The following TENM3 variants were observed in gnomAD, a reference collection of about 807,000 sequenced individuals.
TENM3 encodes the protein teneurin transmembrane protein 3, also known as teneurin-3.
Under a neutral mutation model 255.1 loss-of-function variants are expected in TENM3, and 63 were observed. The observed-to-expected ratio is 0.25, with a 90% CI of 0.20 to 0.30. TENM3 has a LOEUF of 0.30. Among genes scored for constraint, TENM3 ranks in the 10% least tolerant of loss-of-function variants. The pLI is 1.00. For missense variants in TENM3, 2,929 were observed against 3,461.1 expected (o/e 0.85, Z 3.86); for synonymous variants, 1,306 against 1,322.3 (o/e 0.99, Z 0.27).
chr4:181,766,399 G>C, the TENM3 span, among the ~76,000 whole-genome samples: 1 of 151,290 alleles, frequency 6.6e-6, no homozygotes, highest in Non-Finnish European at 1.5e-5. Context: ...AAGTAACTCC[G>C]TTGGAAACAC....
intron 3 of TENM3, among the ~76,000 whole-genome samples, chr4:182,424,311 T>C (rs556844771): frequency 6.6e-6 from 1 of 152,304 alleles, no homozygotes; most frequent in African/African-American, 2.4e-5. Context: ...AATTTGAGCA[T>C]TAAAGTACCT....
At chr4:181,854,120 C>A in the TENM3 span, among the ~76,000 whole-genome samples, 1 of 152,160 alleles carries the variant, frequency 6.6e-6, no homozygotes, top group East Asian at 1.9e-4. Context: ...AATATCATTA[C>A]CTTGATAAAT....
chr4:181,706,660 C>T, the TENM3 span, among the ~76,000 whole-genome samples: 1 of 152,004 alleles, frequency 6.6e-6, no homozygotes, highest in Admixed American at 6.6e-5. Flanking sequence ...AAAAAACAAA[C>T]AGGCGAAGGA....
intron 1 of TENM3, among the ~76,000 whole-genome samples, chr4:182,187,222 TC>T (rs1301496342): frequency 6.6e-6 from 1 of 152,106 alleles, no homozygotes. Context: ...AGAACAGAAA[TC>T]TTTTGAAGAA....
chr4:181,781,678 G>C, the TENM3 span, among the ~76,000 whole-genome samples: 5 of 152,096 alleles, frequency 3.3e-5, no homozygotes, highest in Admixed American at 1.3e-4. Context: ...GGTGAGAGAG[G>C]GCATCCCTGT....
At chr4:182,660,694 G>A (rs1342107121) in intron 6 of TENM3, among the ~76,000 whole-genome samples, 1 of 152,154 alleles carries the variant, frequency 6.6e-6, no homozygotes, top group Non-Finnish European at 1.5e-5. Flanking sequence ...TGAATTTTAT[G>A]AAAGAAATAT....
the TENM3 span, among the ~76,000 whole-genome samples, chr4:182,097,466 G>A: frequency 3.7e-4 from 56 of 152,256 alleles, 1 homozygote; most frequent in African/African-American, 1.3e-3. Context: ...GACCCCTTCT[G>A]AGAGAGTAGA....
chr4:181,605,479 AG>A, the TENM3 span, among the ~76,000 whole-genome samples: 3 of 114,960 alleles, frequency 2.6e-5, no homozygotes, highest in African/African-American at 6.6e-5. Flanking sequence ...AGAGAGAAAC[AG>A]AGAAAGAAAG....
chr4:181,843,448 A>G, the TENM3 span, among the ~76,000 whole-genome samples: 1 of 152,166 alleles, frequency 6.6e-6, no homozygotes, highest in Non-Finnish European at 1.5e-5. Flanking sequence ...TGAATCTTAA[A>G]TCTTGTGAGG....
Position 182,771,498 on chromosome 4 carries a change from T to TGG in TENM3, c.4893-1964_4893-1963dup, listed in dbSNP as rs35700441. Among the ~76,000 whole-genome samples the TGG allele has an allele frequency of 2.9e-3, 413 of 140,084 alleles. 5 individuals are homozygous for TGG. Among genetic ancestry groups the TGG allele is most frequent in the Admixed American group, 4.8e-3 (65 of 13,638 alleles). 91.9% of individuals were successfully genotyped at this position (140,084 alleles called of 152,430 possible). A position where few individuals can be genotyped will look rare whatever the true frequency, so the allele number is the denominator to read the frequency against. On this transcript the variant is annotated intron_variant, in intron 22 of 27. Transcript: ENST00000511685. ...GTATTTTCATTTTCCGTCTCTGAAA[T>TGG]GGGGGGGGGGGAAATAGTACAATAC...
At chr4:181,897,091 A>T in the TENM3 span, among the ~76,000 whole-genome samples, 1 of 152,134 alleles carries the variant, frequency 6.6e-6, no homozygotes, top group South Asian at 2.1e-4. Flanking sequence ...CTCCATAGGG[A>T]TTCACCCTAG....
chr4:181,450,333 A>G, the TENM3 span, among the ~76,000 whole-genome samples: 1 of 152,310 alleles, frequency 6.6e-6, no homozygotes, highest in African/African-American at 2.4e-5. Flanking sequence ...TTACTGGGGT[A>G]AGTAATAAGG....
At chr4:182,051,268 G>A in the TENM3 span, among the ~76,000 whole-genome samples, 9 of 151,734 alleles carry the variant, frequency 5.9e-5, no homozygotes, top group African/African-American at 1.7e-4. Context: ...GCTTGAAACT[G>A]GGAGGTGGAG....
intron 22 of TENM3, among the ~76,000 whole-genome samples, chr4:182,757,216 G>A (rs964563812): frequency 6.7e-6 from 1 of 149,740 alleles, no homozygotes; most frequent in Non-Finnish European, 1.5e-5. Context: ...GGAGGCTGAG[G>A]CAGAAGAATG....
the TENM3 span, among the ~76,000 whole-genome samples, chr4:182,048,643 CTT>C: frequency 6.6e-6 from 1 of 152,142 alleles, no homozygotes; most frequent in Non-Finnish European, 1.5e-5. Context: ...ATAAAGGAAA[CTT>C]TTTTCTTTTT....
intron 1 of TENM3, among the ~76,000 whole-genome samples, chr4:182,159,099 G>A (rs1328632994): frequency 1.3e-5 from 2 of 152,214 alleles, no homozygotes; most frequent in East Asian, 3.9e-4. Context: ...CATGGGGTTT[G>A]TAACGATGGC....
chr4:182,624,308 A>G (rs779339652), intron 4 of TENM3, among the ~76,000 whole-genome samples: 12 of 152,278 alleles, frequency 7.9e-5, no homozygotes, highest in Non-Finnish European at 1.6e-4. Context: ...GAGGGTTTTC[A>G]TGGGACCAAA....
intron 1 of TENM3, among the ~76,000 whole-genome samples, chr4:182,269,400 G>A (rs1170941549): frequency 6.6e-6 from 1 of 152,160 alleles, no homozygotes; most frequent in African/African-American, 2.4e-5. Flanking sequence ...TGAGAGTACT[G>A]GACAGTTGGC....
chr4:181,644,205 C>G, the TENM3 span, among the ~76,000 whole-genome samples: 1 of 151,914 alleles, frequency 6.6e-6, no homozygotes, highest in African/African-American at 2.4e-5. Flanking sequence ...TCCTACATTT[C>G]CAAGCAACTA....
Sources: gnomAD v4.1 joint callset for allele counts (sites outside exome capture counted in the v4.1 genomes callset) on GRCh38, gnomAD v4.1.1 for gene constraint, MANE v1.5 for transcripts, NCBI Gene and HGNC (gene_info 2026-07-23, HGNC 2026-07-21) for gene names.